Variants in GNAL observed in about 807,000 individuals in gnomAD.
The protein encoded by GNAL is guanine nucleotide-binding protein G(olf) subunit alpha.
Under a neutral mutation model 55.1 loss-of-function variants are expected in GNAL, and 18 were observed. The ratio of observed to expected loss-of-function variants is 0.33; its 90% CI spans 0.23 to 0.48. The LOEUF is 0.48. Among genes scored for constraint, GNAL ranks in the 20% least tolerant of loss-of-function variants. GNAL has a pLI of 0.99. For synonymous variants in GNAL, 253 were observed against 237.0 expected, an observed-to-expected ratio of 1.07 and a Z score of -0.62; for missense variants, 412 against 614.1, an observed-to-expected ratio of 0.67 and a Z score of 3.48.
At chr18:11,709,515 G>A (rs868775424) in intron 1 of GNAL, among the ~76,000 whole-genome samples, 1 of 151,820 alleles carries the variant, frequency 6.6e-6, no homozygotes, top group South Asian at 2.1e-4. Flanking sequence ...CAGTATAAAG[G>A]TCTTTCTCCT....
chr18:11,690,560 T>G (rs2031213771), intron 1 of GNAL, among the ~76,000 whole-genome samples: 1 of 150,628 alleles, frequency 6.6e-6, no homozygotes, highest in East Asian at 2.0e-4. Context: ...CTGCACCCAT[T>G]AACTCGTCAT....
rs1024118577 is a variant in GNAL at position 11,700,857 on chromosome 18, A to G, written c.376+10918A>G. Reference sequence around the variant, plus strand: ...TCTCCCAGAAAAAGCATAAGAAGACAATATTTTGACATAAACAGAAAAATA... The same window carrying G: ...TCTCCCAGAAAAAGCATAAGAAGACGATATTTTGACATAAACAGAAAAATA... On this transcript the variant is annotated intron_variant, in intron 1 of 11. Transcript: ENST00000334049. Among the ~76,000 whole-genome samples, 5 of 152,256 alleles carry G rather than the reference A, an allele frequency of 3.3e-5. No individual in the cohort carries two copies. In the East Asian group the frequency reaches 7.7e-4, roughly 23 times the overall value.
At chr18:11,735,448 T>G (rs561655816) in intron 1 of GNAL, among the ~76,000 whole-genome samples, 54 of 152,158 alleles carry the variant, frequency 3.5e-4, no homozygotes, top group African/African-American at 1.2e-3. Context: ...AGCTCACTGG[T>G]CTCTTTAATT....
chr18:11,818,631 G>A (rs2035017578), intron 4 of GNAL, among the ~76,000 whole-genome samples: 1 of 152,178 alleles, frequency 6.6e-6, no homozygotes, highest in South Asian at 2.1e-4. Context: ...GGCAGGAACG[G>A]GGAGAGTGAG....
At chr18:11,699,854 C>T (rs985671513) in intron 1 of GNAL, among the ~76,000 whole-genome samples, 2 of 152,150 alleles carry the variant, frequency 1.3e-5, no homozygotes, top group African/African-American at 4.8e-5. Context: ...GCGCTGTGGA[C>T]TCTGGGTGAC....
At chr18:11,708,782 T>C (rs1412751257) in intron 1 of GNAL, among the ~76,000 whole-genome samples, 1 of 152,226 alleles carries the variant, frequency 6.6e-6, no homozygotes, top group African/African-American at 2.4e-5. Context: ...TTTCCTTTGC[T>C]GTGCAGAAGC....
intron 5 of GNAL, among the ~76,000 whole-genome samples, chr18:11,840,162 A>G (rs1244911069): frequency 6.6e-6 from 1 of 152,210 alleles, no homozygotes; most frequent in Admixed American, 6.5e-5. Context: ...ATTTACTTAC[A>G]ATTTTATTCA....
At chr18:11,746,090 G>A in intron 1 of GNAL, 1 of 487,220 alleles carries the variant, frequency 2.1e-6, no homozygotes. Context: ...TTCCATTGGA[G>A]CACTCCACGA....
chr18:11,857,651 ATGG>A, intron 5 of GNAL: 1 of 985,418 alleles, frequency 1.0e-6, no homozygotes, highest in Non-Finnish European at 1.2e-6. Context: ...CACCTGGGAC[ATGG>A]TTCAGCTGCA....
In GNAL at chr18:11,689,851, G is replaced by A; in HGVS notation, c.288G>A (p.Lys96=). Residue 96 remains lysine (K), a synonymous_variant, in exon 1 of 12, where the codon AAG becomes AAA. Transcript: ENST00000334049. ...CGGCCAAGGAGCGCGAGGCGGTCAA[G>A]GAGGCGAGGAAAGTGAGCCGGGGCA... The part of the protein sequence containing the change: ...REAAKEREAV[K]EARKVSRGID... 3 of 1,529,518 alleles carry A rather than the reference G, an allele frequency of 2.0e-6. No individual in the cohort carries two copies. The highest frequency in any genetic ancestry group is 2.6e-6 in the Non-Finnish European group (3 of 1,141,548). The allele number at this position is 1,529,518 out of a possible 1,614,324, so 94.7% of individuals were successfully genotyped here. A position where few individuals can be genotyped will look rare whatever the true frequency, so the allele number is the denominator to read the frequency against.
intron 11 of GNAL, among the ~76,000 whole-genome samples, chr18:11,877,455 A>G (rs2036559837): frequency 6.6e-6 from 1 of 152,202 alleles, no homozygotes; most frequent in South Asian, 2.1e-4. Context: ...ACTCTGTCTC[A>G]AACAAAACAA....
At chr18:11,819,356 A>G (rs184081786) in intron 4 of GNAL, among the ~76,000 whole-genome samples, 17 of 152,330 alleles carry the variant, frequency 1.1e-4, no homozygotes, top group Admixed American at 1.1e-3. Flanking sequence ...TGTCAATATG[A>G]AATAGAGTCA....
chr18:11,729,082 G>T (rs754041914), intron 1 of GNAL, among the ~76,000 whole-genome samples: 12 of 152,030 alleles, frequency 7.9e-5, no homozygotes, highest in Non-Finnish European at 1.8e-4. Flanking sequence ...TTTTATTGAT[G>T]ATTTGGTATT....
In GNAL at chr18:11,760,708, G is replaced by T. The variant is rs190718921; in HGVS notation, c.624+6763G>T. 2.2e-3 allele frequency among the ~76,000 whole-genome samples: 336 copies of T among 152,232 alleles called. 1 individual carries two copies. Among genetic ancestry groups the T allele is most frequent in the African/African-American group, 7.5e-3 (312 of 41,518 alleles). On this transcript the variant is annotated intron_variant, in intron 4 of 11. Coordinates refer to ENST00000334049, the MANE Select transcript of GNAL (RefSeq NM_182978.4). ...GGCTGGTAAGGAGCCCCTGCAGGGG[G>T]ACACAAGGGTGGACAGGGTGCAGAC...
At chr18:11,777,752 C>T (rs1187438598) in intron 4 of GNAL, among the ~76,000 whole-genome samples, 2 of 152,256 alleles carry the variant, frequency 1.3e-5, no homozygotes, top group South Asian at 2.1e-4. Context: ...TTTCAACCTA[C>T]CCGGAAGAGC....
intron 5 of GNAL, among the ~76,000 whole-genome samples, chr18:11,845,299 A>G (rs776447379): frequency 3.9e-5 from 6 of 152,176 alleles, no homozygotes; most frequent in Admixed American, 6.6e-5. Flanking sequence ...CTGTCCTTCT[A>G]TCTTCAGGTT....
At chr18:11,718,107 A>G (rs546394970) in intron 1 of GNAL, among the ~76,000 whole-genome samples, 4 of 152,178 alleles carry the variant, frequency 2.6e-5, no homozygotes, top group Non-Finnish European at 5.9e-5. Context: ...TCCAGACAAA[A>G]TACCTAGCAG....
intron 1 of GNAL, among the ~76,000 whole-genome samples, chr18:11,748,526 T>G (rs16976632): frequency 2.7e-5 from 2 of 74,200 alleles, no homozygotes; most frequent in East Asian, 8.3e-4. Context: ...ATTTTGGTAC[T>G]TTTTCATCAC....
chr18:11,819,033 G>A (rs1027786830), intron 4 of GNAL, among the ~76,000 whole-genome samples: 12 of 151,004 alleles, frequency 7.9e-5, no homozygotes, highest in Non-Finnish European at 1.6e-4. Flanking sequence ...CCCCACAGCC[G>A]CCAGACAGAC....
Sources: allele counts gnomAD v4.1 joint callset (sites outside exome capture counted in the v4.1 genomes callset), GRCh38; gene constraint gnomAD v4.1.1; transcripts MANE v1.5; gene names NCBI Gene and HGNC (gene_info 2026-07-23, HGNC 2026-07-21).